Variants in SCN10A observed in about 807,000 individuals in gnomAD.
The protein encoded by SCN10A is sodium voltage-gated channel alpha subunit 10.
A neutral mutation model predicts 170.7 loss-of-function variants in SCN10A; 162 were observed. The ratio of observed to expected loss-of-function variants is 0.95; its 90% CI spans 0.84 to 1.08. The LOEUF (loss-of-function observed/expected upper bound fraction) is 1.08. SCN10A is among the 50% of genes least tolerant of loss of function. The pLI is 0.00. For synonymous variants in SCN10A, 985 were observed against 904.6 expected (o/e 1.09, Z -1.59); for missense variants, 2,527 against 2,436.9 (o/e 1.04, Z -0.78).
rs1200291359 is a variant in SCN10A at position 38,742,467 on chromosome 3, T to C, written c.1930A>G (p.Ile644Val). ...ACCCACATGGGGCAGCAATCCCAGA[T>C]CAGATACTTCTGAGACAAGCTGGTC... The part of the protein sequence containing the change: ...CLTSLSQKYL[I>V]WDCCPMWVKL... The change falls in exon 14 of 28, where the codon ATC becomes GTC. Residue 644 changes from isoleucine (I) to valine (V), a missense_variant. Transcript: ENST00000449082. 1 of 1,614,142 alleles carries C rather than the reference T, an allele frequency of 6.2e-7. No individual in the cohort carries two copies. The highest frequency in any genetic ancestry group is 1.1e-5 in the South Asian group (1 of 91,082).
intron 15 of SCN10A, among the ~76,000 whole-genome samples, chr3:38,735,932 CTCTG>C (rs1187594949): frequency 3.9e-5 from 6 of 152,178 alleles, no homozygotes; most frequent in Non-Finnish European, 8.8e-5. Context: ...AGACAAGAAA[CTCTG>C]GTTTTTGCCT....
chr3:38,731,713 A>C (rs2063514712), intron 15 of SCN10A, among the ~76,000 whole-genome samples: 1 of 152,202 alleles, frequency 6.6e-6, no homozygotes, highest in Non-Finnish European at 1.5e-5. Context: ...TTTCCACTTC[A>C]TATTGCATAC....
intron 18 of SCN10A, among the ~76,000 whole-genome samples, chr3:38,724,924 C>A (rs2063436115): frequency 6.6e-6 from 1 of 152,218 alleles, no homozygotes; most frequent in South Asian, 2.1e-4. Flanking sequence ...TGTGGAGTCT[C>A]ACTCTTTCTT....
intron 14 of SCN10A, 111 bp from the exon 15 acceptor site, chr3:38,739,799 T>C: frequency 1.1e-6 from 1 of 897,348 alleles, no homozygotes; most frequent in Non-Finnish European, 1.7e-6. Flanking sequence ...CCTTTTGTTT[T>C]GTTCAGTTGC....
chr3:38,765,798 T>G (rs1174021414), intron 5 of SCN10A, among the ~76,000 whole-genome samples: 1 of 152,170 alleles, frequency 6.6e-6, no homozygotes, highest in Non-Finnish European at 1.5e-5. Context: ...AATCTGTATA[T>G]TGCTTTTGGC....
intron 1 of SCN10A, among the ~76,000 whole-genome samples, chr3:38,807,719 C>A (rs2064414297): frequency 6.6e-6 from 1 of 152,136 alleles, no homozygotes; most frequent in Non-Finnish European, 1.5e-5. Context: ...ACCTGACTAT[C>A]CACCTGTTCT....
At position 38,789,037 on chromosome 3, in the gene SCN10A, C is replaced by T. The variant is rs2064245752; in HGVS notation, c.390-1G>A. The T allele has an allele frequency of 6.3e-7, 1 of 1,599,166 alleles. No homozygotes were observed. Among genetic ancestry groups the T allele is most frequent in the Non-Finnish European group, 8.6e-7 (1 of 1,166,800 alleles). On this transcript the variant is annotated splice_acceptor_variant, in intron 3 of 27. Transcript: ENST00000449082. LOFTEE classifies it high-confidence loss of function. ...GACCGTAATAAATAAACTGAACCACCTGAAAGGCCTGTGTTAAGGAAAAGC... is the reference window on the plus strand; with the variant it reads ...GACCGTAATAAATAAACTGAACCACTTGAAAGGCCTGTGTTAAGGAAAAGC...
Position 38,752,297 on chromosome 3 carries a change from G to A in SCN10A, c.1677C>T (p.Asn559=). The A allele has an allele frequency of 6.2e-7, 1 of 1,608,350 alleles. No homozygotes were observed. Among genetic ancestry groups the A allele is most frequent in the Non-Finnish European group, 8.5e-7 (1 of 1,177,232 alleles). Residue 559 remains asparagine (N), a synonymous_variant, in exon 12 of 28, where the codon AAC becomes AAT. Transcript: ENST00000449082. ...CATCTTCTCCATGCCTGGAGTCAGG[G>A]TTGCTGGGTTGAGGAAGAGGGCTTC... The part of the protein sequence containing the change: ...LPRSPLPQPS[N]PDSRHGEDEH...
intron 4 of SCN10A, among the ~76,000 whole-genome samples, chr3:38,782,120 C>T (rs975516063): frequency 6.6e-5 from 10 of 152,020 alleles, no homozygotes; most frequent in Admixed American, 3.3e-4. Flanking sequence ...TACCTTTGTA[C>T]TGTCAAGTGT....
chr3:38,804,174 C>T (rs913664993), intron 1 of SCN10A, among the ~76,000 whole-genome samples: 1 of 152,192 alleles, frequency 6.6e-6, no homozygotes, highest in Non-Finnish European at 1.5e-5. Flanking sequence ...CCGAGTCTCA[C>T]AGACTTCCCT....
chr3:38,782,487 T>A (rs2064150229), intron 4 of SCN10A, among the ~76,000 whole-genome samples: 1 of 152,238 alleles, frequency 6.6e-6, no homozygotes, highest in African/African-American at 2.4e-5. Flanking sequence ...TCTTGTATAT[T>A]TATACTGTTC....
At chr3:38,811,031 A>G (rs554711110) in intron 1 of SCN10A, among the ~76,000 whole-genome samples, 122 of 152,310 alleles carry the variant, frequency 8.0e-4, no homozygotes, top group Middle Eastern at 3.4e-3. Flanking sequence ...AGTGATTATA[A>G]TCTTGGATAC....
At chr3:38,727,759 C>T (rs1318824202) in intron 16 of SCN10A, among the ~76,000 whole-genome samples, 1 of 152,174 alleles carries the variant, frequency 6.6e-6, no homozygotes, top group Non-Finnish European at 1.5e-5. Context: ...TTCTGGAAGA[C>T]TGCATCCTCC....
At chr3:38,715,166 G>GT (rs2063322169) in intron 21 of SCN10A, among the ~76,000 whole-genome samples, 1 of 152,176 alleles carries the variant, frequency 6.6e-6, no homozygotes, top group Non-Finnish European at 1.5e-5. Context: ...GGGTAGGGAG[G>GT]TTTGGGGCCA....
chr3:38,752,035 G>A (rs1006335358), intron 12 of SCN10A, among the ~76,000 whole-genome samples, 184 bp downstream of exon 12: 1 of 152,066 alleles, frequency 6.6e-6, no homozygotes, highest in African/African-American at 2.4e-5. Flanking sequence ...TTGACCTCAG[G>A]CCAACTCAAT....
At position 38,742,447 on chromosome 3, in the gene SCN10A, C is replaced by T; in HGVS notation, c.1950G>A (p.Met650Ile). The T allele has an allele frequency of 6.2e-7, 1 of 1,614,200 alleles. No individual in the cohort carries two copies. Among genetic ancestry groups the T allele is most frequent in the Non-Finnish European group, 8.5e-7 (1 of 1,180,048 alleles). Reference sequence around the variant, plus strand: ...AGAGAATTGTCTTGAGCTTCACCCACATGGGGCAGCAATCCCAGATCAGAT... The same window carrying T: ...AGAGAATTGTCTTGAGCTTCACCCATATGGGGCAGCAATCCCAGATCAGAT... ...QKYLIWDCCP[M>I]WVKLKTILFG... Residue 650 changes from methionine (M) to isoleucine (I), a missense_variant, in exon 14 of 28, where the codon ATG (methionine) becomes ATA (isoleucine). Coordinates refer to ENST00000449082, the MANE Select transcript of SCN10A (RefSeq NM_006514.4).
chr3:38,714,394 C>A (rs2063309664), intron 21 of SCN10A, among the ~76,000 whole-genome samples: 1 of 152,224 alleles, frequency 6.6e-6, no homozygotes, highest in Admixed American at 6.5e-5. Context: ...CTTCTAGGGG[C>A]AGCAGTCAGG....
intron 1 of SCN10A, among the ~76,000 whole-genome samples, chr3:38,814,933 C>T (rs1358887959): frequency 6.6e-6 from 1 of 152,218 alleles, no homozygotes; most frequent in African/African-American, 2.4e-5. Context: ...AAAATATATA[C>T]ACGTGGTTGC....
chr3:38,730,409 A>G (rs753474398), intron 15 of SCN10A, among the ~76,000 whole-genome samples: 4 of 152,240 alleles, frequency 2.6e-5, no homozygotes, highest in Non-Finnish European at 4.4e-5. Flanking sequence ...CTCTGGAGGA[A>G]CCTGCCTTTA....
Sources: allele counts gnomAD v4.1 joint callset (sites outside exome capture counted in the v4.1 genomes callset), GRCh38; gene constraint gnomAD v4.1.1; transcripts MANE v1.5; gene names NCBI Gene and HGNC (gene_info 2026-07-23, HGNC 2026-07-21).